The following PCDH7 variants were observed in gnomAD, a reference collection of about 807,000 sequenced individuals.
PCDH7 encodes the protein protocadherin-7.
In PCDH7, 17 loss-of-function variants were observed where a neutral mutation model predicts 58.9. The ratio of observed to expected loss-of-function variants is 0.29; its 90% CI spans 0.20 to 0.43. The LOEUF (loss-of-function observed/expected upper bound fraction) is 0.43, where lower values mean the gene tolerates loss of function less well. Ranked by LOEUF, PCDH7 falls within the 20% of genes least tolerant of loss-of-function variation. PCDH7 has a pLI of 1.00. For synonymous variants in PCDH7, 664 were observed against 616.4 expected (o/e 1.08, Z -1.14); for missense variants, 1,274 against 1,441.0 (o/e 0.88, Z 1.88).
intron 2 of PCDH7, among the ~76,000 whole-genome samples, chr4:30,948,469 G>A (rs555046927): frequency 1.3e-5 from 2 of 152,034 alleles, no homozygotes; most frequent in African/African-American, 2.4e-5. Flanking sequence ...AAAAAATTAG[G>A]TTTAATTTTT....
At chr4:31,048,166 A>G (rs953283577) in intron 3 of PCDH7, among the ~76,000 whole-genome samples, 9 of 152,080 alleles carry the variant, frequency 5.9e-5, no homozygotes, top group Admixed American at 1.3e-4. Flanking sequence ...GAAAATATGT[A>G]AAATAAATTT....
At chr4:31,048,844 T>G (rs1331363993) in intron 3 of PCDH7, among the ~76,000 whole-genome samples, 1 of 152,074 alleles carries the variant, frequency 6.6e-6, no homozygotes, top group Non-Finnish European at 1.5e-5. Flanking sequence ...GAAAGAACAT[T>G]ATATGAAAAT....
At chr4:30,900,539 C>T (rs1404114721) in intron 1 of PCDH7, among the ~76,000 whole-genome samples, 2 of 152,186 alleles carry the variant, frequency 1.3e-5, no homozygotes, top group African/African-American at 4.8e-5. Flanking sequence ...AGCAACACAT[C>T]ATCTAAAAGG....
At chr4:31,013,442 T>C (rs559835906) in intron 3 of PCDH7, among the ~76,000 whole-genome samples, 1 of 150,634 alleles carries the variant, frequency 6.6e-6, no homozygotes, top group South Asian at 2.1e-4. Context: ...ATATATCATA[T>C]ATCTTCATAT....
At chr4:30,935,413 G>T (rs1405090234) in intron 2 of PCDH7, 3 of 464,146 alleles carry the variant, frequency 6.5e-6, no homozygotes, top group Non-Finnish European at 8.5e-6. Context: ...GAGTACATGG[G>T]TCTCTAACTA....
intron 3 of PCDH7, among the ~76,000 whole-genome samples, chr4:31,127,743 A>G (rs957802303): frequency 6.6e-6 from 1 of 152,108 alleles, no homozygotes; most frequent in African/African-American, 2.4e-5. Context: ...ATAAGAATAA[A>G]ACTTTAGTCT....
intron 3 of PCDH7, among the ~76,000 whole-genome samples, chr4:30,985,712 T>G: frequency 6.6e-6 from 1 of 152,236 alleles, no homozygotes; most frequent in African/African-American, 2.4e-5. Flanking sequence ...TACCTTCAGC[T>G]AACTCATCGC....
At chr4:30,893,104 T>G (rs1157218003) in intron 1 of PCDH7, among the ~76,000 whole-genome samples, 1 of 152,160 alleles carries the variant, frequency 6.6e-6, no homozygotes, top group Non-Finnish European at 1.5e-5. Context: ...ACATTTTATA[T>G]GGTCTTTATA....
At chr4:30,845,541 G>C (rs983949990) in intron 1 of PCDH7, among the ~76,000 whole-genome samples, 1 of 152,084 alleles carries the variant, frequency 6.6e-6, no homozygotes, top group African/African-American at 2.4e-5. Context: ...TTTTAAGTTG[G>C]TGTAAATTTG....
At chr4:30,734,059 T>C (rs1041186660), downstream of PCDH7, among the ~76,000 whole-genome samples, 1 of 130,764 alleles carries the variant, frequency 7.6e-6, no homozygotes, top group Non-Finnish European at 1.8e-5. Flanking sequence ...CTTTATTTTT[T>C]AGGTTATCTT....
chr4:30,972,521 G>A (rs928543293), intron 3 of PCDH7, among the ~76,000 whole-genome samples: 6 of 152,076 alleles, frequency 3.9e-5, no homozygotes, highest in Non-Finnish European at 5.9e-5. Context: ...TCAATTTCTG[G>A]TCCAGGTACA....
chr4:30,926,102 A>T (rs1743832573), intron 2 of PCDH7, among the ~76,000 whole-genome samples: 1 of 152,120 alleles, frequency 6.6e-6, no homozygotes, highest in African/African-American at 2.4e-5. Flanking sequence ...AATAAGTTGT[A>T]TTTTCACTAT....
chr4:31,105,363 T>C (rs1035836004), intron 3 of PCDH7, among the ~76,000 whole-genome samples: 3 of 151,918 alleles, frequency 2.0e-5, no homozygotes, highest in Non-Finnish European at 4.4e-5. Flanking sequence ...AAAATCAAGG[T>C]TTTTTGATGC....
At chr4:30,756,784 G>A (rs1719365146) in intron 1 of PCDH7, among the ~76,000 whole-genome samples, 1 of 152,092 alleles carries the variant, frequency 6.6e-6, no homozygotes, top group Non-Finnish European at 1.5e-5. Flanking sequence ...CTTCTTCACA[G>A]CTCTCTCCCA....
chr4:30,832,002 G>A (rs1729859052), intron 1 of PCDH7, among the ~76,000 whole-genome samples: 1 of 152,078 alleles, frequency 6.6e-6, no homozygotes, highest in Admixed American at 6.6e-5. Context: ...ATATGAATCA[G>A]TACTTAAACG....
chr4:30,894,909 A>C (rs1436460452), intron 1 of PCDH7, among the ~76,000 whole-genome samples: 1 of 151,802 alleles, frequency 6.6e-6, no homozygotes, highest in Non-Finnish European at 1.5e-5. Flanking sequence ...GTGAGAAATA[A>C]GCAACATATG....
chr4:30,801,766 C>G (rs1033031427), intron 1 of PCDH7, among the ~76,000 whole-genome samples: 1 of 152,162 alleles, frequency 6.6e-6, no homozygotes, highest in East Asian at 1.9e-4. Flanking sequence ...TGTATTCCAG[C>G]TCCAGAGGGT....
At chr4:30,847,351 G>A (rs1732115744) in intron 1 of PCDH7, among the ~76,000 whole-genome samples, 1 of 152,090 alleles carries the variant, frequency 6.6e-6, no homozygotes, top group African/African-American at 2.4e-5. Flanking sequence ...ATTCAAACTA[G>A]TTGTGTTGCA....
Position 30,822,388 on chromosome 4 carries a change from C to G in PCDH7, c.71-97765C>G, listed in dbSNP as rs114811989. 3.0e-3 allele frequency among the ~76,000 whole-genome samples: 453 copies of G among 152,268 alleles called. 6 individuals are homozygous for G. Among genetic ancestry groups the G allele is most frequent in the Non-Finnish European group, 3.7e-3 (249 of 68,018 alleles). ...CACGCCACATCCAGAGACCTTTTCT[C>G]ATTGTTGTGTTGCATTAAACAGCGA... On this transcript the variant is annotated intron_variant, in intron 1 of 3. Transcript: ENST00000509759.
Sources: gnomAD v4.1 joint callset for allele counts (sites outside exome capture counted in the v4.1 genomes callset) on GRCh38, gnomAD v4.1.1 for gene constraint, MANE v1.5 for transcripts, NCBI Gene and HGNC (gene_info 2026-07-23, HGNC 2026-07-21) for gene names.